WDR27: variants seen among roughly 807,000 people sequenced by gnomAD.
The protein encoded by WDR27 is WD repeat-containing protein 27.
Under a neutral mutation model 114.4 loss-of-function variants are expected in WDR27, and 100 were observed. The observed-to-expected ratio is 0.87, with a 90% CI of 0.74 to 1.03. The LOEUF is 1.03. Ranked by LOEUF, WDR27 falls within the 50% of genes least tolerant of loss-of-function variation. WDR27 has a pLI of 0.00. For synonymous variants in WDR27, 449 were observed against 423.1 expected (o/e 1.06, Z -0.75); for missense variants, 1,129 against 1,092.9 (o/e 1.03, Z -0.47).
In WDR27 at chr6:169,538,744, TTA is replaced by T. The variant is rs138847890; in HGVS notation, c.2645+33673_2645+33674del. Among the ~76,000 whole-genome samples, 666 of 132,422 alleles carry T rather than the reference TTA, an allele frequency of 5.0e-3. 3 individuals carry two copies. Among genetic ancestry groups the T allele is most frequent in the African/African-American group, 0.017 (634 of 36,870 alleles). 86.9% of individuals were successfully genotyped at this position (132,422 alleles called of 152,430 possible). On this transcript the variant is annotated intron_variant, in intron 25 of 25. Coordinates refer to ENST00000448612, the MANE Select transcript of WDR27 (RefSeq NM_182552.5). ...CACACACACACACACACAAACACACTTATATATATATATGTGCATGTATATAT... is the reference window on the plus strand; with the variant it reads ...CACACACACACACACACAAACACACTTATATATATATGTGCATGTATATAT...
intron 25 of WDR27, among the ~76,000 whole-genome samples, chr6:169,485,290 C>T (rs1788736041): frequency 6.6e-6 from 1 of 152,122 alleles, no homozygotes; most frequent in Non-Finnish European, 1.5e-5. Flanking sequence ...TAATAAAATC[C>T]AGCATCCGTA....
At chr6:169,700,048 A>T (rs1787465057) in intron 1 of WDR27, among the ~76,000 whole-genome samples, 1 of 152,106 alleles carries the variant, frequency 6.6e-6, no homozygotes, top group African/African-American at 2.4e-5. Context: ...CTAGTTGGGA[A>T]ATTCCTCCCA....
At chr6:169,447,275 T>C in the WDR27 span, among the ~76,000 whole-genome samples, 1 of 152,246 alleles carries the variant, frequency 6.6e-6, no homozygotes, top group South Asian at 2.1e-4. Flanking sequence ...ATTTCAATTA[T>C]ACGCAATTTA....
At chr6:169,493,746 T>C (rs1194149235) in intron 25 of WDR27, among the ~76,000 whole-genome samples, 1 of 152,194 alleles carries the variant, frequency 6.6e-6, no homozygotes, top group Non-Finnish European at 1.5e-5. Flanking sequence ...TTTACATATA[T>C]GATGCTATTA....
At chr6:169,486,486 T>G (rs1392441479) in intron 25 of WDR27, among the ~76,000 whole-genome samples, 1 of 143,146 alleles carries the variant, frequency 7.0e-6, no homozygotes, top group African/African-American at 3.0e-5. Context: ...TATTTATATT[T>G]CATTTCATTT....
rs74978618 is a variant in WDR27, at chr6:169,590,663, A to G, written c.2425-7729T>C. ...CAATCTCCAACTCTTGTCAACCTCCATCAAGGTCTGGCAAAATAAATATGG... is the reference window on the plus strand; with the variant it reads ...CAATCTCCAACTCTTGTCAACCTCCGTCAAGGTCTGGCAAAATAAATATGG... On this transcript the variant is annotated intron_variant, in intron 23 of 25. Transcript: ENST00000448612. Among the ~76,000 whole-genome samples the G allele has an allele frequency of 5.3e-3, 809 of 152,326 alleles. 11 individuals are homozygous for G. Among genetic ancestry groups the G allele is most frequent in the African/African-American group, 0.018 (745 of 41,568 alleles).
chr6:169,616,001 C>A (rs182033930), intron 21 of WDR27, among the ~76,000 whole-genome samples: 117 of 146,858 alleles, frequency 8.0e-4, no homozygotes, highest in African/African-American at 2.8e-3. Context: ...AAACAGCACA[C>A]GCGAACTCTG....
rs1562623201 is a variant in WDR27, at chr6:169,580,931, TTTTA to T, written c.2523+1901_2523+1904del. ...TTTTAAAAATAAGGAACTTAGTGAA[TTTTA>T]TATATATATATATATATACATATAT... On this transcript the variant is annotated intron_variant, in intron 24 of 25. Coordinates refer to ENST00000448612, the MANE Select transcript of WDR27 (RefSeq NM_182552.5). 1.1e-4 allele frequency among the ~76,000 whole-genome samples: 8 copies of T among 75,214 alleles called. No individual in the cohort carries two copies. The South Asian group carries it at 3.7e-3, about 35-fold the overall frequency. The allele number at this position is 75,214 out of a possible 152,430, so 49.3% of individuals were successfully genotyped here.
At chr6:169,645,593 A>G (rs1820487158) in intron 16 of WDR27, among the ~76,000 whole-genome samples, 1 of 151,754 alleles carries the variant, frequency 6.6e-6, no homozygotes, top group Non-Finnish European at 1.5e-5. Flanking sequence ...AGAAGACCCT[A>G]GTTCGCAGGA....
intron 25 of WDR27, among the ~76,000 whole-genome samples, chr6:169,514,899 T>A (rs1180457741): frequency 6.6e-6 from 1 of 151,748 alleles, no homozygotes; most frequent in African/African-American, 2.4e-5. Context: ...TAATTACTTT[T>A]TATTTTATTT....
intron 25 of WDR27, among the ~76,000 whole-genome samples, chr6:169,464,401 G>A (rs977008736): frequency 1.3e-5 from 2 of 152,070 alleles, no homozygotes; most frequent in African/African-American, 2.4e-5. Flanking sequence ...CATCAAAGAC[G>A]TAAATGTGAG....
At chr6:169,491,123 G>C (rs186008478) in intron 25 of WDR27, among the ~76,000 whole-genome samples, 1 of 152,170 alleles carries the variant, frequency 6.6e-6, no homozygotes, top group African/African-American at 2.4e-5. Context: ...GTGACTAAGG[G>C]TTACTAAAGA....
At chr6:169,437,049 G>A in the WDR27 span, among the ~76,000 whole-genome samples, 1 of 152,118 alleles carries the variant, frequency 6.6e-6, no homozygotes, top group African/African-American at 2.4e-5. Context: ...ATGTGTATGA[G>A]TAAGAATTTT....
At chr6:169,496,195 AAC>A (rs1488803005) in intron 25 of WDR27, among the ~76,000 whole-genome samples, 1 of 152,084 alleles carries the variant, frequency 6.6e-6, no homozygotes, top group African/African-American at 2.4e-5. Flanking sequence ...TGCAGGAAAA[AAC>A]ACACGATTAT....
At chr6:169,667,708 G>A (rs537567844) in intron 5 of WDR27, among the ~76,000 whole-genome samples, 2 of 152,332 alleles carry the variant, frequency 1.3e-5, no homozygotes, top group African/African-American at 4.8e-5. Flanking sequence ...AGAAGAATTC[G>A]TGCCTGGGCG....
chr6:169,468,189 A>C (rs1785859040), intron 25 of WDR27, among the ~76,000 whole-genome samples: 1 of 152,220 alleles, frequency 6.6e-6, no homozygotes, highest in African/African-American at 2.4e-5. Flanking sequence ...ATCATTGTCC[A>C]TATCACTATC....
intron 17 of WDR27, among the ~76,000 whole-genome samples, chr6:169,639,489 C>T (rs938355941): frequency 1.3e-5 from 2 of 151,912 alleles, no homozygotes; most frequent in East Asian, 1.9e-4. Context: ...AAAAAAAATC[C>T]CTGAGCACAC....
chr6:169,640,010 G>A (rs569201014), intron 17 of WDR27, among the ~76,000 whole-genome samples: 1 of 152,142 alleles, frequency 6.6e-6, no homozygotes, highest in Non-Finnish European at 1.5e-5. Flanking sequence ...AGGAGAGGCC[G>A]CACCCAGCCC....
At chr6:169,548,330 T>G (rs923834967) in intron 25 of WDR27, among the ~76,000 whole-genome samples, 21 of 152,166 alleles carry the variant, frequency 1.4e-4, no homozygotes, top group African/African-American at 4.8e-4. Context: ...AACAAAATGA[T>G]TCTGAAATTT....
Sources: gnomAD v4.1 joint callset for allele counts (sites outside exome capture counted in the v4.1 genomes callset) on GRCh38, gnomAD v4.1.1 for gene constraint, MANE v1.5 for transcripts, NCBI Gene and HGNC (gene_info 2026-07-23, HGNC 2026-07-21) for gene names.